The following ZNF83 variants were observed in gnomAD, a reference collection of about 807,000 sequenced individuals.
ZNF83 encodes the protein zinc finger protein 83.
For missense variants in ZNF83, 552 were observed against 629.9 expected (o/e 0.88, Z 1.32); for synonymous variants, 209 against 213.0 (o/e 0.98, Z 0.17).
chr19:52,662,920 T>C (rs1049694527), intron 1 of ZNF83, among the ~76,000 whole-genome samples: 10 of 152,130 alleles, frequency 6.6e-5, no homozygotes, highest in African/African-American at 2.4e-4. Context: ...CCCAGCACTT[T>C]GGGAGGCTGA....
chr19:52,667,007 C>T (rs753645898), intron 1 of ZNF83, among the ~76,000 whole-genome samples: 18 of 152,090 alleles, frequency 1.2e-4, no homozygotes, highest in Non-Finnish European at 2.2e-4. Flanking sequence ...AGGAAGGAGG[C>T]CACCTATACC....
chr19:52,664,368 T>C (rs2061619716), intron 1 of ZNF83, among the ~76,000 whole-genome samples: 1 of 151,964 alleles, frequency 6.6e-6, no homozygotes, highest in Non-Finnish European at 1.5e-5. Flanking sequence ...CGGTGGCATG[T>C]AGCTGTGGTC....
At chr19:52,677,321 A>C (rs1288420029) in intron 1 of ZNF83, among the ~76,000 whole-genome samples, 11 of 148,324 alleles carry the variant, frequency 7.4e-5, no homozygotes, top group East Asian at 4.2e-4. Context: ...AAAAAAAAAA[A>C]AAAAAAAAAC....
At chr19:52,648,656 C>T (rs1485190539) in intron 3 of ZNF83, among the ~76,000 whole-genome samples, 2 of 152,164 alleles carry the variant, frequency 1.3e-5, no homozygotes, top group African/African-American at 2.4e-5. Context: ...TGTTCAGTCC[C>T]GCTGCTGTTA....
intron 3 of ZNF83, chr19:52,655,379 C>A: frequency 1.7e-6 from 1 of 571,688 alleles, no homozygotes; most frequent in Non-Finnish European, 3.0e-6. Context: ...TATGTAAAAC[C>A]ACTCCATAGG....
At chr19:52,653,394 T>C (rs1167163635) in intron 3 of ZNF83, 1 of 947,472 alleles carries the variant, frequency 1.1e-6, no homozygotes, top group African/African-American at 1.6e-5. Flanking sequence ...ATTCATTACA[T>C]GTGTAAGGTT....
At chr19:52,653,418 AACTCTGTT>A (rs2061468361) in intron 3 of ZNF83, 2 of 850,344 alleles carry the variant, frequency 2.4e-6, no homozygotes, top group East Asian at 6.6e-5. Context: ...CTTCAGTATG[AACTCTGTT>A]ATGGCGTGAA....
At chr19:52,617,894 T>C (rs1476508279) in intron 2 of ZNF83, 1 of 152,436 alleles carries the variant, frequency 6.6e-6, no homozygotes, top group East Asian at 1.9e-4. Context: ...CCCAGCCCTA[T>C]GTTTCTGTAG....
At chr19:52,667,474 G>GA (rs1410912286) in intron 1 of ZNF83, among the ~76,000 whole-genome samples, 2 of 152,138 alleles carry the variant, frequency 1.3e-5, no homozygotes, top group Non-Finnish European at 2.9e-5. Context: ...AACTGTTGAA[G>GA]AAACAGTTTA....
intron 3 of ZNF83, among the ~76,000 whole-genome samples, chr19:52,643,567 G>A (rs2061335655): frequency 6.6e-6 from 1 of 151,482 alleles, no homozygotes; most frequent in Non-Finnish European, 1.5e-5. Context: ...TGGGTGTTGT[G>A]GCATGCACCT....
chr19:52,677,167 T>C (rs866323732), intron 1 of ZNF83, among the ~76,000 whole-genome samples: 2 of 147,640 alleles, frequency 1.4e-5, no homozygotes, highest in African/African-American at 5.0e-5. Context: ...AGGAAGAAGA[T>C]ACAATCAAAA....
At chr19:52,634,289 A>G (rs1483410044) in intron 2 of ZNF83, among the ~76,000 whole-genome samples, 1 of 151,974 alleles carries the variant, frequency 6.6e-6, no homozygotes, top group African/African-American at 2.4e-5. Context: ...CAACAATAAT[A>G]ATAATAATAA....
At chr19:52,644,586 AT>A (rs1339263423) in intron 3 of ZNF83, among the ~76,000 whole-genome samples, 1 of 152,182 alleles carries the variant, frequency 6.6e-6, no homozygotes, top group Non-Finnish European at 1.5e-5. Flanking sequence ...GACTCCCAAC[AT>A]TTAATTCTTC....
At chr19:52,638,465 T>C (rs2061232811), upstream of ZNF83, 1 of 147,080 alleles carries the variant, frequency 6.8e-6, no homozygotes, top group Non-Finnish European at 1.5e-5. Context: ...CTTTCCCCTT[T>C]AGAACCAGCA....
intron 1 of ZNF83, among the ~76,000 whole-genome samples, chr19:52,677,595 G>A (rs2061838193): frequency 6.6e-6 from 1 of 152,074 alleles, no homozygotes; most frequent in African/African-American, 2.4e-5. Context: ...AGTGTCAAAT[G>A]AATACTCAAC....
intron 1 of ZNF83, among the ~76,000 whole-genome samples, chr19:52,671,611 T>C (rs2061727655): frequency 6.6e-6 from 1 of 152,022 alleles, no homozygotes; most frequent in South Asian, 2.1e-4. Flanking sequence ...CCTGGCTAAT[T>C]TGTTAGTACT....
At chr19:52,674,981 A>G (rs1224857308) in intron 1 of ZNF83, among the ~76,000 whole-genome samples, 1 of 152,168 alleles carries the variant, frequency 6.6e-6, no homozygotes, top group Non-Finnish European at 1.5e-5. Context: ...TTGGGCTCCC[A>G]AAGTGCTGGG....
At chr19:52,613,109 T>G in exon 3 of ZNF83, 1 of 1,614,102 alleles carries the variant, frequency 6.2e-7, no homozygotes, top group South Asian at 1.1e-5. Context: ...TCATTACATT[T>G]GAAATGTTTC....
chr19:52,627,913 T>C (rs534670665), intron 2 of ZNF83, among the ~76,000 whole-genome samples: 1 of 152,270 alleles, frequency 6.6e-6, no homozygotes, highest in East Asian at 1.9e-4. Context: ...GAAAATGGCC[T>C]GTTCCTGCCT....
Sources: allele counts gnomAD v4.1 joint callset (sites outside exome capture counted in the v4.1 genomes callset), GRCh38; gene constraint gnomAD v4.1.1; transcripts MANE v1.5; gene names NCBI Gene and HGNC (gene_info 2026-07-23, HGNC 2026-07-21).